TMEM53: variants seen among roughly 807,000 people sequenced by gnomAD.
TMEM53 encodes the protein novel DUF829 domain-containing protein.
A neutral mutation model predicts 21.4 loss-of-function variants in TMEM53; 14 were observed. The ratio of observed to expected loss-of-function variants is 0.65; its 90% confidence interval spans 0.43 to 1.02. The LOEUF is 1.02. Ranked by LOEUF, TMEM53 falls within the 50% of genes least tolerant of loss-of-function variation. TMEM53 has a pLI of 0.00. For missense variants in TMEM53, 323 were observed against 383.6 expected (o/e 0.84, Z 1.32); for synonymous variants, 148 against 157.4 (o/e 0.94, Z 0.45).
Position 44,660,172 on chromosome 1 carries a change from A to T in TMEM53, c.183+2T>A, listed in dbSNP as rs1221565597. On this transcript the variant is annotated splice_donor_variant, in intron 2 of 2. Coordinates refer to ENST00000372237, the MANE Select transcript of TMEM53 (RefSeq NM_024587.4). LOFTEE classifies it high-confidence loss of function. ...CAGGGGAGAGGGCACCAGAGTACTC[A>T]CCCTTTTGTGGTAGATGGCACTGTA... 6.2e-7 allele frequency: 1 copy of T among 1,613,406 alleles called. No individual in the cohort carries two copies. Among genetic ancestry groups the T allele is most frequent in the Non-Finnish European group, 8.5e-7 (1 of 1,179,774 alleles).
At position 44,670,169 on chromosome 1, in the gene TMEM53, T is replaced by TAAAAAAAAAAAAA. The variant is rs780360806; in HGVS notation, c.61+4149_61+4161dup. 8.8e-4 allele frequency among the ~76,000 whole-genome samples: 91 copies of TAAAAAAAAAAAAA among 103,754 alleles called. 2 individuals are homozygous for TAAAAAAAAAAAAA. Among genetic ancestry groups the TAAAAAAAAAAAAA allele is most frequent in the African/African-American group, 1.6e-3 (37 of 22,822 alleles). 68.1% of individuals were successfully genotyped at this position (103,754 alleles called of 152,430 possible). On this transcript the variant is annotated intron_variant, in intron 1 of 2. Transcript: ENST00000372237. ...AAAAATAAATACAACTCCTCTGTAT[T>TAAAAAAAAAAAAA]AAAAAAAAAAAAAAAGACCTTTGGG...
At chr1:44,657,894 T>TC (rs11449166) in intron 2 of TMEM53, among the ~76,000 whole-genome samples, 34,362 of 151,430 alleles carry the variant, frequency 0.23, 5,158 homozygotes, top group Middle Eastern at 0.35. Context: ...TTTTTTTTTT[T>TC]CTCTACATTC....
At chr1:44,666,234 T>G (rs1454997015) in intron 1 of TMEM53, among the ~76,000 whole-genome samples, 1 of 152,176 alleles carries the variant, frequency 6.6e-6, no homozygotes, top group African/African-American at 2.4e-5. Context: ...AATAAACAAG[T>G]GTTGGTTGTG....
At chr1:44,668,512 A>G (rs1045970349) in intron 1 of TMEM53, among the ~76,000 whole-genome samples, 2 of 152,222 alleles carry the variant, frequency 1.3e-5, no homozygotes, top group African/African-American at 4.8e-5. Context: ...AAAACTTTCT[A>G]GTGTCTCACA....
Position 44,654,764 on chromosome 1 carries a change from C to T in TMEM53, c.629G>A (p.Trp210Ter). Residue 210 changes from tryptophan to a stop codon, truncating the protein, a stop_gained, in exon 3 of 3, where the codon TGG becomes TAG. Transcript: ENST00000372237. LOFTEE classifies it high-confidence loss of function. This position sits in a 1 kb window ranked among gnomAD's most constrained non-coding sequence, Gnocchi z 7.0. ...YDRLQDAGSR[W>*]PELYLYSRAD... ...CCTCGAGTAGAGGTAGAGCTCGGGCCAGCGAGAGCCCGCGTCCTGTAGCCT... is the reference window on the plus strand; with the variant it reads ...CCTCGAGTAGAGGTAGAGCTCGGGCTAGCGAGAGCCCGCGTCCTGTAGCCT... 1 of 1,613,990 alleles carries T rather than the reference C, an allele frequency of 6.2e-7. No individual in the cohort carries two copies. The highest frequency in any genetic ancestry group is 8.5e-7 in the Non-Finnish European group (1 of 1,180,018).
At chr1:44,669,868 G>A (rs1168519939) in intron 1 of TMEM53, among the ~76,000 whole-genome samples, 1 of 149,972 alleles carries the variant, frequency 6.7e-6, no homozygotes, top group Non-Finnish European at 1.5e-5. Context: ...GCACAATCTC[G>A]GCTCACTGCA....
intron 1 of TMEM53, among the ~76,000 whole-genome samples, chr1:44,666,829 C>T (rs746348442): frequency 6.6e-6 from 1 of 151,780 alleles, no homozygotes; most frequent in South Asian, 2.1e-4. Flanking sequence ...TACCAAAAGC[C>T]AGTGAATTGT....
chr1:44,674,407 C>T lies in TMEM53; in HGVS notation c.-16G>A. The T allele has an allele frequency of 6.2e-7, 1 of 1,607,534 alleles. No individual in the cohort carries two copies. On this transcript the variant is annotated 5_prime_UTR_variant, in exon 1 of 3. Coordinates refer to ENST00000372237, the MANE Select transcript of TMEM53 (RefSeq NM_024587.4). ...CCGAGGCCATGGTGAAGGCGCCGGC[C>T]CAGAGCACGGGTCTCCAGCCGGAAC... is the stretch of plus-strand genomic sequence containing the variant.
At chr1:44,668,474 A>C (rs1211486578) in intron 1 of TMEM53, among the ~76,000 whole-genome samples, 1 of 152,116 alleles carries the variant, frequency 6.6e-6, no homozygotes, top group African/African-American at 2.4e-5. Context: ...AAAAATTGAA[A>C]GAGTCTTAAT....
rs150092634 is a variant in TMEM53 at position 44,666,997 on chromosome 1, C to T, written c.62-6702G>A. Among the ~76,000 whole-genome samples the T allele has an allele frequency of 2.8e-3, 426 of 152,040 alleles. 3 individuals carry two copies. The highest frequency in any genetic ancestry group is 8.1e-3 in the African/African-American group (336 of 41,466). On this transcript the variant is annotated intron_variant, in intron 1 of 2. Coordinates refer to ENST00000372237, the MANE Select transcript of TMEM53 (RefSeq NM_024587.4). ...GTGCTAAGACTACAGGCACATGGTA[C>T]CACACCTGGCTAATTTTTTATTTTT... is the stretch of plus-strand genomic sequence containing the variant.
Position 44,655,334 on chromosome 1 carries a change from T to C in TMEM53, c.184-125A>G. 2.1e-6 allele frequency: 2 copies of C among 966,698 alleles called. No homozygotes were observed. Among genetic ancestry groups the C allele is most frequent in the Non-Finnish European group, 3.0e-6 (2 of 672,020 alleles). The allele number at this position is 966,698 out of a possible 1,614,324, so 59.9% of individuals were successfully genotyped here. A position where few individuals can be genotyped will look rare whatever the true frequency, so the allele number is the denominator to read the frequency against. Reference sequence around the variant, plus strand: ...GCCATGGGGCCCACAGCGTCAGCAATGCTCTGGGTCCTGCTTCAGCCTGAG... The same window carrying C: ...GCCATGGGGCCCACAGCGTCAGCAACGCTCTGGGTCCTGCTTCAGCCTGAG... On this transcript the variant is annotated intron_variant, in intron 2 of 2. Coordinates refer to ENST00000372237, the MANE Select transcript of TMEM53 (RefSeq NM_024587.4). The surrounding 1 kb of genome is among the most constrained non-coding windows in gnomAD (Gnocchi z 4.4).
At chr1:44,662,682 T>C (rs1167543136) in intron 1 of TMEM53, among the ~76,000 whole-genome samples, 1 of 151,766 alleles carries the variant, frequency 6.6e-6, no homozygotes, top group Non-Finnish European at 1.5e-5. Flanking sequence ...CCCCCTCCCC[T>C]GCCTACAGGG....
chr1:44,660,713 G>T (rs1039390527), intron 1 of TMEM53, among the ~76,000 whole-genome samples: 1 of 151,950 alleles, frequency 6.6e-6, no homozygotes, highest in Non-Finnish European at 1.5e-5. Context: ...GGCTGGGCGC[G>T]GTGGCTCACG....
intron 1 of TMEM53, among the ~76,000 whole-genome samples, chr1:44,669,315 G>A (rs2148537602): frequency 6.6e-6 from 1 of 152,142 alleles, no homozygotes; most frequent in African/African-American, 2.4e-5. Flanking sequence ...ATAATTTATG[G>A]TGACCAAATC....
At chr1:44,664,152 A>T (rs1265959315) in intron 1 of TMEM53, among the ~76,000 whole-genome samples, 1 of 73,668 alleles carries the variant, frequency 1.4e-5, no homozygotes, top group Admixed American at 1.3e-4. Context: ...ACCTTATTAT[A>T]AAAAAAAAAA....
rs374055398 is a variant in TMEM53, at chr1:44,654,382, G to T, written c.*177C>A. On this transcript the variant is annotated 3_prime_UTR_variant, in exon 3 of 3. Transcript: ENST00000372237. This position sits in a 1 kb window ranked among gnomAD's most constrained non-coding sequence, Gnocchi z 7.0. ...GCCCCTTAGGATTCTGTGGTAAGCA[G>T]ACCACCAGCAGACAGAGGCCCCCAG... 132 of 691,988 alleles carry T rather than the reference G, an allele frequency of 1.9e-4. 1 individual carries two copies. The East Asian group carries it at 3.2e-3, about 17-fold the overall frequency. 42.9% of individuals were successfully genotyped at this position (691,988 alleles called of 1,614,324 possible). A position where few individuals can be genotyped will look rare whatever the true frequency, so the allele number is the denominator to read the frequency against.
intron 1 of TMEM53, among the ~76,000 whole-genome samples, chr1:44,669,575 C>T (rs1644980873): frequency 6.6e-6 from 1 of 152,094 alleles, no homozygotes; most frequent in African/African-American, 2.4e-5. Flanking sequence ...ATCTGTAAAA[C>T]AGGATTAAGG....
intron 2 of TMEM53, among the ~76,000 whole-genome samples, chr1:44,659,347 G>A (rs577789449): frequency 6.6e-6 from 1 of 152,338 alleles, no homozygotes; most frequent in South Asian, 2.1e-4. Context: ...GCAGGAGGCT[G>A]TTTGGGGGAG....
rs191972390 is a variant in TMEM53 at position 44,673,592 on chromosome 1, T to C, written c.61+739A>G. 2.0e-5 allele frequency among the ~76,000 whole-genome samples: 3 copies of C among 152,364 alleles called. No individual in the cohort carries two copies. The East Asian group carries it at 5.8e-4, about 29-fold the overall frequency. ...AATTTTGTGGAGAATCCTACATGTC[T>C]TTCTTTAATGTAAGGAGAGAAACAA... On this transcript the variant is annotated intron_variant, in intron 1 of 2. Transcript: ENST00000372237.
Sources: gnomAD v4.1 joint callset for allele counts (sites outside exome capture counted in the v4.1 genomes callset) on GRCh38, gnomAD v4.1.1 for gene constraint, Gnocchi (gnomAD v3.1) non-coding constraint, MANE v1.5 for transcripts, NCBI Gene and HGNC (gene_info 2026-07-23, HGNC 2026-07-21) for gene names.